STPG2: variants seen among roughly 807,000 people sequenced by gnomAD.
STPG2 encodes the protein sperm-tail PG-rich repeat-containing protein 2.
STPG2 carries 56 observed loss-of-function variants against 54.2 expected under a neutral mutation model. The observed-to-expected ratio is 1.03, with a 90% CI of 0.83 to 1.29. The LOEUF is 1.29. STPG2 is among the 50% of genes most tolerant of loss of function. The pLI is 0.00. For missense variants in STPG2, 596 were observed against 544.9 expected (o/e 1.09, Z -0.93); for synonymous variants, 200 against 181.8 (o/e 1.10, Z -0.81).
rs140721821 is a variant in STPG2 at position 97,490,708 on chromosome 4, T to A, written c.462+221991A>T. ...TAGGCAACATATGCAGCATGAAATA[T>A]GAAAACTAACATGCCAATTTCCACT... On this transcript the variant is annotated intron_variant, in intron 4 of 4. Coordinates refer to the STPG2 transcript ENST00000522676. Among the ~76,000 whole-genome samples, 385 of 151,744 alleles carry A rather than the reference T, an allele frequency of 2.5e-3. 1 individual carries two copies. The highest frequency in any genetic ancestry group is 4.2e-3 in the Non-Finnish European group (283 of 67,722).
chr4:97,960,895 A>T (rs895664931), intron 7 of STPG2, among the ~76,000 whole-genome samples: 2 of 152,054 alleles, frequency 1.3e-5, no homozygotes, highest in African/African-American at 2.4e-5. Context: ...CCAAGGCAAG[A>T]CCAAGCAAAA....
chr4:97,956,149 T>C (rs938220909), intron 7 of STPG2, among the ~76,000 whole-genome samples: 3 of 152,060 alleles, frequency 2.0e-5, no homozygotes, highest in East Asian at 1.9e-4. Flanking sequence ...TTAAACAAAA[T>C]ACAAGATAAC....
chr4:98,093,131 A>G (rs1738739698), intron 5 of STPG2, among the ~76,000 whole-genome samples: 2 of 152,232 alleles, frequency 1.3e-5, no homozygotes, highest in Non-Finnish European at 1.5e-5. Context: ...AAGAACTTCA[A>G]TAGAAACAAT....
chr4:98,022,114 G>C (rs1393704776), intron 5 of STPG2, among the ~76,000 whole-genome samples: 1 of 152,060 alleles, frequency 6.6e-6, no homozygotes, highest in African/African-American at 2.4e-5. Context: ...TCCTAGCCTT[G>C]ATGGTCTTTA....
chr4:98,001,134 A>G (rs1345995783), intron 5 of STPG2, among the ~76,000 whole-genome samples: 1 of 152,144 alleles, frequency 6.6e-6, no homozygotes, highest in Admixed American at 6.6e-5. Context: ...CAAAAATTTA[A>G]TATCGTAAAT....
At chr4:97,963,814 T>C (rs1733989769) in intron 7 of STPG2, among the ~76,000 whole-genome samples, 1 of 152,022 alleles carries the variant, frequency 6.6e-6, no homozygotes, top group African/African-American at 2.4e-5. Flanking sequence ...TGATGACAGA[T>C]AGAAACTCAA....
chr4:97,993,162 A>T (rs2149270646), intron 5 of STPG2, among the ~76,000 whole-genome samples: 1 of 152,260 alleles, frequency 6.6e-6, no homozygotes, highest in East Asian at 1.9e-4. Flanking sequence ...GTCTTGCTCC[A>T]GTTCTCAGGA....
At chr4:97,517,629 A>C (rs1180672151) in intron 4 of STPG2, among the ~76,000 whole-genome samples, 1 of 152,004 alleles carries the variant, frequency 6.6e-6, no homozygotes, top group African/African-American at 2.4e-5. Context: ...AAAACCAACA[A>C]ATTTTATTTA....
chr4:97,972,225 C>A (rs867891850), intron 7 of STPG2, 55 bp downstream of exon 7: 2 of 1,196,422 alleles, frequency 1.7e-6, no homozygotes, highest in Non-Finnish European at 2.3e-6. Context: ...TTCAAGAGAA[C>A]CCTAAGAGCT....
At chr4:97,993,545 AT>A (rs71588926) in intron 5 of STPG2, among the ~76,000 whole-genome samples, 23,812 of 141,944 alleles carry the variant, frequency 0.17, 2,928 homozygotes, top group African/African-American at 0.34. Context: ...TTTCTTTTCT[AT>A]TTTTTTTTTT....
At chr4:97,863,112 G>A (rs1398609332) in intron 8 of STPG2, among the ~76,000 whole-genome samples, 2 of 151,806 alleles carry the variant, frequency 1.3e-5, no homozygotes, top group Non-Finnish European at 2.9e-5. Flanking sequence ...AGAACTGAAG[G>A]AGATAGAGAC....
chr4:97,452,717 G>A (rs1729408776), intron 4 of STPG2, among the ~76,000 whole-genome samples: 1 of 152,112 alleles, frequency 6.6e-6, no homozygotes, highest in African/African-American at 2.4e-5. Flanking sequence ...AGGACTACCA[G>A]CTGCAGAGAG....
At chr4:97,487,868 T>A (rs1730406687) in intron 4 of STPG2, among the ~76,000 whole-genome samples, 1 of 151,546 alleles carries the variant, frequency 6.6e-6, no homozygotes, top group Admixed American at 6.6e-5. Context: ...GAAAGTTTTT[T>A]GTTTATTAGT....
intron 7 of STPG2, among the ~76,000 whole-genome samples, chr4:97,955,688 C>T (rs1281630907): frequency 1.3e-5 from 2 of 152,110 alleles, no homozygotes; most frequent in Admixed American, 6.5e-5. Context: ...AAAGGTTCTG[C>T]AAACCTCAGG....
chr4:98,140,444 G>C (rs1740249637), intron 1 of STPG2, among the ~76,000 whole-genome samples: 1 of 152,094 alleles, frequency 6.6e-6, no homozygotes, highest in African/African-American at 2.4e-5. Context: ...GGAAAAACAA[G>C]TAATATTTTA....
chr4:97,942,236 C>A (rs955431099), intron 8 of STPG2, among the ~76,000 whole-genome samples: 2 of 150,946 alleles, frequency 1.3e-5, no homozygotes, highest in Non-Finnish European at 1.5e-5. Flanking sequence ...TTTCCTACTA[C>A]CTGTGATATT....
At chr4:97,821,376 C>T (rs1303899615) in intron 9 of STPG2, among the ~76,000 whole-genome samples, 1 of 152,206 alleles carries the variant, frequency 6.6e-6, no homozygotes, top group Non-Finnish European at 1.5e-5. Context: ...CTGCAGGATA[C>T]AGCCCCTGCA....
intron 9 of STPG2, among the ~76,000 whole-genome samples, chr4:97,740,743 C>T (rs1725196811): frequency 6.6e-6 from 1 of 152,196 alleles, no homozygotes; most frequent in African/African-American, 2.4e-5. Context: ...ACATTCAATG[C>T]TCATGAGTAG....
chr4:97,938,517 T>C (rs1354077903), intron 8 of STPG2, among the ~76,000 whole-genome samples: 2 of 151,702 alleles, frequency 1.3e-5, no homozygotes, highest in Admixed American at 1.3e-4. Flanking sequence ...CTGCAGGAAC[T>C]CTTAGCCAGA....
Sources: gnomAD v4.1 joint callset for allele counts (sites outside exome capture counted in the v4.1 genomes callset) on GRCh38, gnomAD v4.1.1 for gene constraint, MANE v1.5 for transcripts, NCBI Gene and HGNC (gene_info 2026-07-23, HGNC 2026-07-21) for gene names.